Variants in DPYSL2 observed in about 807,000 individuals in gnomAD.
The protein encoded by DPYSL2 is dihydropyrimidinase-related protein 2.
Under a neutral mutation model 69.9 loss-of-function variants are expected in DPYSL2, and 13 were observed. The ratio of observed to expected loss-of-function variants is 0.19; its 90% CI spans 0.12 to 0.30. The LOEUF is 0.30. Among genes scored for constraint, DPYSL2 ranks in the 10% least tolerant of loss-of-function variants. The pLI is 1.00. For missense variants in DPYSL2, 587 were observed against 918.9 expected, an observed-to-expected ratio of 0.64 and a Z score of 4.67; for synonymous variants, 326 against 359.1, an observed-to-expected ratio of 0.91 and a Z score of 1.04.
rs370877314 is a variant in DPYSL2, at chr8:26,624,346, C to T, written c.793+39C>T. ...AGTCAATGCCCTCTGCAGATGTTTCCGCTTCAGTCCATCAACTGGCACAGC... is the reference window on the plus strand; with the variant it reads ...AGTCAATGCCCTCTGCAGATGTTTCTGCTTCAGTCCATCAACTGGCACAGC... On this transcript the variant is annotated intron_variant, in intron 4 of 13. Coordinates refer to ENST00000521913, the MANE Select transcript of DPYSL2 (RefSeq NM_001197293.3). The surrounding 1 kb of genome is among the most constrained non-coding windows in gnomAD (Gnocchi z 4.7). 290 of 1,601,286 alleles carry T rather than the reference C, an allele frequency of 1.8e-4. No individual in the cohort carries two copies. The highest frequency in any genetic ancestry group is 1.5e-3 in the Middle Eastern group (9 of 5,934).
rs141452219 is a variant in DPYSL2 at position 26,533,355 on chromosome 8, G to A, written c.354+18676G>A. Among the ~76,000 whole-genome samples, 516 of 152,202 alleles carry A rather than the reference G, an allele frequency of 3.4e-3. 3 individuals carry two copies. Among genetic ancestry groups the A allele is most frequent in the African/African-American group, 0.012 (496 of 41,540 alleles). ...CTGATAGTGTCCTTGACGTATGAAT[G>A]CTTTTAATTTTGACAAAGTGTAACT... On this transcript the variant is annotated intron_variant, in intron 1 of 13. Coordinates refer to ENST00000521913, the MANE Select transcript of DPYSL2 (RefSeq NM_001197293.3). This position sits in a 1 kb window ranked among gnomAD's most constrained non-coding sequence, Gnocchi z 4.8.
At chr8:26,633,225 A>G (rs532330660) in intron 7 of DPYSL2, among the ~76,000 whole-genome samples, 1 of 152,348 alleles carries the variant, frequency 6.6e-6, no homozygotes, top group Non-Finnish European at 1.5e-5. Context: ...CAGGGCATGG[A>G]AGATACTAAG....
rs1212030665 is a variant in DPYSL2 at position 26,624,971 on chromosome 8, C to T, written c.793+664C>T. Among the ~76,000 whole-genome samples the T allele has an allele frequency of 6.6e-6, 1 of 152,102 alleles. No individual in the cohort carries two copies. The highest frequency in any genetic ancestry group is 2.4e-5 in the African/African-American group (1 of 41,416). On this transcript the variant is annotated intron_variant, in intron 4 of 13. Transcript: ENST00000521913. The surrounding 1 kb of genome is among the most constrained non-coding windows in gnomAD (Gnocchi z 4.7). Reference sequence around the variant, plus strand: ...TCTTCCTGGGTCTCGCTGGGCTTGGCTAGAGACCAGATTAACTTCACTGGA... The same window carrying T: ...TCTTCCTGGGTCTCGCTGGGCTTGGTTAGAGACCAGATTAACTTCACTGGA...
intron 1 of DPYSL2, among the ~76,000 whole-genome samples, chr8:26,554,077 A>G (rs574387145): frequency 1.3e-5 from 2 of 152,006 alleles, no homozygotes; most frequent in East Asian, 3.9e-4. Context: ...TTTAGTAGGG[A>G]TGGGGTTTCA....
chr8:26,553,637 A>G (rs1366534446), intron 1 of DPYSL2, among the ~76,000 whole-genome samples: 1 of 152,130 alleles, frequency 6.6e-6, no homozygotes, highest in Admixed American at 6.5e-5. Flanking sequence ...GTGGTCATTT[A>G]GGTTGATTCC....
intron 1 of DPYSL2, among the ~76,000 whole-genome samples, chr8:26,538,891 G>A (rs1454128558): frequency 6.6e-6 from 1 of 152,110 alleles, no homozygotes; most frequent in Non-Finnish European, 1.5e-5. Context: ...TTAACACCAA[G>A]GACCCCAACA....
At chr8:26,645,922 A>G (rs887058238) in intron 10 of DPYSL2, among the ~76,000 whole-genome samples, 1 of 145,420 alleles carries the variant, frequency 6.9e-6, no homozygotes, top group East Asian at 2.1e-4. Context: ...CTGGAGTGCA[A>G]TGGCGTGATC....
In DPYSL2 at chr8:26,582,805, C is replaced by G. The variant is rs912688388; in HGVS notation, c.443+748C>G. ...CAGCCAGTGACAGCTTTTAAATAAG[C>G]AGCATTCATCAAGGGATAGCTGTAA... On this transcript the variant is annotated intron_variant, in intron 2 of 13. Transcript: ENST00000521913. This position sits in a 1 kb window ranked among gnomAD's most constrained non-coding sequence, Gnocchi z 4.1. 2.6e-5 allele frequency among the ~76,000 whole-genome samples: 4 copies of G among 152,180 alleles called. No individual in the cohort carries two copies. The highest frequency in any genetic ancestry group is 7.2e-5 in the African/African-American group (3 of 41,424).
At position 26,589,113 on chromosome 8, in the gene DPYSL2, C is replaced by G. The variant is rs555925390; in HGVS notation, c.628+5130C>G. On this transcript the variant is annotated intron_variant, in intron 3 of 13. Coordinates refer to ENST00000521913, the MANE Select transcript of DPYSL2 (RefSeq NM_001197293.3). ...TTGCTCAGAGAATCAGCCCAAGTGT[C>G]AGAACCCTCCACGACGCGGCCTATT... Among the ~76,000 whole-genome samples the G allele has an allele frequency of 3.3e-5, 5 of 152,048 alleles. 1 individual carries two copies. The highest frequency in any genetic ancestry group is 1.2e-4 in the African/African-American group (5 of 41,472).
intron 1 of DPYSL2, among the ~76,000 whole-genome samples, chr8:26,575,468 G>T (rs1488828451): frequency 1.3e-5 from 2 of 152,128 alleles, no homozygotes; most frequent in Non-Finnish European, 2.9e-5. Context: ...GTTGCAGACA[G>T]TTCTCTTCCT....
intron 3 of DPYSL2, among the ~76,000 whole-genome samples, chr8:26,607,152 T>G (rs1481391566): frequency 6.6e-6 from 1 of 152,136 alleles, no homozygotes; most frequent in Non-Finnish European, 1.5e-5. Flanking sequence ...GTATAGTAAA[T>G]TAAGGCCATC....
chr8:26,627,155 T>A lies in DPYSL2; in HGVS notation c.856-60T>A. On this transcript the variant is annotated intron_variant, in intron 5 of 13. Coordinates refer to ENST00000521913, the MANE Select transcript of DPYSL2 (RefSeq NM_001197293.3). The surrounding 1 kb of genome is among the most constrained non-coding windows in gnomAD (Gnocchi z 6.9). ...AATGCCTCTGGTGGGGAGATGATTG[T>A]CTTTGTGAACAGGAAGATGGAAGTC... The A allele has an allele frequency of 6.6e-7, 1 of 1,506,430 alleles. No individual in the cohort carries two copies. The highest frequency in any genetic ancestry group is 9.2e-7 in the Non-Finnish European group (1 of 1,083,014). The allele number at this position is 1,506,430 out of a possible 1,614,324, so 93.3% of individuals were successfully genotyped here.
chr8:26,549,918 A>G lies in DPYSL2; in HGVS notation c.355-32051A>G, dbSNP rs528825189. On this transcript the variant is annotated intron_variant, in intron 1 of 13. Transcript: ENST00000521913. ...CATTGCAAGAAATGTTAAAAAAAAA[A>G]TCTTCAGAGAGAAGGAAAATGACAT... Among the ~76,000 whole-genome samples, 16 of 152,316 alleles carry G rather than the reference A, an allele frequency of 1.1e-4. No homozygotes were observed. The East Asian group carries it at 2.9e-3, about 28-fold the overall frequency.
chr8:26,531,068 A>C (rs1301390719), intron 1 of DPYSL2, among the ~76,000 whole-genome samples: 1 of 151,990 alleles, frequency 6.6e-6, no homozygotes, highest in Non-Finnish European at 1.5e-5. Flanking sequence ...CAAAGAAAAA[A>C]AAAAAAAAAA....
At chr8:26,529,280 T>TATCTATC (rs1563375821) in intron 1 of DPYSL2, among the ~76,000 whole-genome samples, 29 of 66,872 alleles carry the variant, frequency 4.3e-4, no homozygotes, top group South Asian at 8.4e-4. Context: ...ATCTATCATC[T>TATCTATC]ATCTATCTAT....
intron 1 of DPYSL2, among the ~76,000 whole-genome samples, chr8:26,579,150 G>A (rs1801427523): frequency 6.6e-6 from 1 of 152,266 alleles, no homozygotes; most frequent in South Asian, 2.1e-4. Flanking sequence ...CGACGCGGGA[G>A]CAGATGGCCC....
At position 26,648,483 on chromosome 8, in the gene DPYSL2, T is replaced by TC. The variant is rs1803218061; in HGVS notation, c.1596+685dup. On this transcript the variant is annotated intron_variant, in intron 11 of 13. Transcript: ENST00000521913. The surrounding 1 kb of genome is among the most constrained non-coding windows in gnomAD (Gnocchi z 4.3). The stretch of plus-strand genomic sequence containing the variant: ...GAGAGTGAGGGGTTCAGACGAGGTC[T>TC]CCAAGTGTCCTGTGATTCTGTGAGG... Among the ~76,000 whole-genome samples the TC allele has an allele frequency of 6.6e-6, 1 of 152,198 alleles. No individual in the cohort carries two copies. Among genetic ancestry groups the TC allele is most frequent in the African/African-American group, 2.4e-5 (1 of 41,442 alleles).
At position 26,627,163 on chromosome 8, in the gene DPYSL2, A is replaced by T; in HGVS notation, c.856-52A>T. The stretch of plus-strand genomic sequence containing the variant: ...TGGTGGGGAGATGATTGTCTTTGTG[A>T]ACAGGAAGATGGAAGTCCCTGTCTC... On this transcript the variant is annotated intron_variant, in intron 5 of 13. Coordinates refer to ENST00000521913, the MANE Select transcript of DPYSL2 (RefSeq NM_001197293.3). This position sits in a 1 kb window ranked among gnomAD's most constrained non-coding sequence, Gnocchi z 6.9. The T allele has an allele frequency of 6.5e-7, 1 of 1,536,384 alleles. No homozygotes were observed. Among genetic ancestry groups the T allele is most frequent in the South Asian group, 1.1e-5 (1 of 88,982 alleles).
intron 1 of DPYSL2, among the ~76,000 whole-genome samples, chr8:26,551,107 A>G (rs1800867621): frequency 1.3e-5 from 2 of 152,170 alleles, no homozygotes; most frequent in Admixed American, 1.3e-4. Flanking sequence ...CAACCCAATT[A>G]TTCTAATCAA....
Sources: allele counts gnomAD v4.1 joint callset (sites outside exome capture counted in the v4.1 genomes callset), GRCh38; gene constraint gnomAD v4.1.1; non-coding constraint Gnocchi (gnomAD v3.1); transcripts MANE v1.5; gene names NCBI Gene and HGNC (gene_info 2026-07-23, HGNC 2026-07-21).